The following MED13 variants were observed in gnomAD, a reference collection of about 807,000 sequenced individuals.
MED13 encodes mediator of RNA polymerase II transcription subunit 13.
In MED13, 23 loss-of-function variants were observed where a neutral mutation model predicts 225.2. The ratio of observed to expected loss-of-function variants is 0.10; its 90% CI spans 0.07 to 0.14. MED13 has a LOEUF of 0.14. Ranked by LOEUF, MED13 falls within the 10% of genes least tolerant of loss-of-function variation. The pLI, the probability that MED13 is intolerant of heterozygous loss-of-function variation, is 1.00. For missense variants in MED13, 2,197 were observed against 2,594.5 expected (o/e 0.85, Z 3.33); for synonymous variants, 942 against 889.2 (o/e 1.06, Z -1.06).
chr17:61,972,050 G>A (rs954616117), intron 17 of MED13, among the ~76,000 whole-genome samples: 1 of 152,114 alleles, frequency 6.6e-6, no homozygotes, highest in African/African-American at 2.4e-5. Context: ...TTAAAAGAGG[G>A]AGAAAAGGAA....
rs770430129 is a variant in MED13 at position 61,968,019 on chromosome 17, CTT to C, written c.4191+14_4191+15del. ...GTAAGGTAGTTTTAAAATGTCATCTCTTTTTAAACACCTACCTCATATATTGC... is the reference window on the plus strand; with the variant it reads ...GTAAGGTAGTTTTAAAATGTCATCTCTTTAAACACCTACCTCATATATTGC... On this transcript the variant is annotated intron_variant, in intron 18 of 29. Coordinates refer to ENST00000397786, the MANE Select transcript of MED13 (RefSeq NM_005121.3). 6.3e-7 allele frequency: 1 copy of C among 1,579,108 alleles called. No homozygotes were observed. The highest frequency in any genetic ancestry group is 8.7e-7 in the Non-Finnish European group (1 of 1,149,836).
At chr17:61,992,792 T>A (rs537036998) in intron 10 of MED13, among the ~76,000 whole-genome samples, 171 bp from the exon 11 acceptor site, 1 of 151,478 alleles carries the variant, frequency 6.6e-6, no homozygotes, top group East Asian at 1.9e-4. Context: ...TTTTTTGAGA[T>A]GGACTCTCGC....
At chr17:61,978,715 C>CT (rs1278937114) in intron 16 of MED13, among the ~76,000 whole-genome samples, 2 of 152,152 alleles carry the variant, frequency 1.3e-5, no homozygotes, top group African/African-American at 4.8e-5. Context: ...CCCAGGCAGT[C>CT]TGAGTCCACA....
At chr17:61,966,704 A>G in intron 18 of MED13, 53 bp from the exon 19 acceptor site, 1 of 1,264,702 alleles carries the variant, frequency 7.9e-7, no homozygotes, top group Non-Finnish European at 1.1e-6. Flanking sequence ...TTGTATTTAG[A>G]TACACATTAT....
chr17:61,965,298 A>G lies in MED13; in HGVS notation c.4552T>C (p.Ser1518Pro). The G allele has an allele frequency of 6.2e-7, 1 of 1,614,254 alleles. No individual in the cohort carries two copies. The highest frequency in any genetic ancestry group is 1.3e-5 in the African/African-American group (1 of 75,076). The part of the protein sequence containing the change: ...SAASSTMTVT[S>P]GVAISTSVAT... ...ACTGAAGTAGATATGGCAACACCTG[A>G]AGTCACTGTCATAGTGCTGCTCGCT... Residue 1518 changes from serine to proline, a missense_variant, in exon 20 of 30, where the codon TCA becomes CCA. By Grantham distance (74) the Ser-to-Pro change is moderately conservative. Around this residue, in one of 12 missense-constraint regions of MED13, gnomAD observed 457 missense variants for 442.2 expected, o/e 1.03. Transcript: ENST00000397786.
rs200426341 is a variant in MED13, at chr17:61,959,618, AC to A, written c.5480+1248del. Among the ~76,000 whole-genome samples the A allele has an allele frequency of 7.2e-5, 11 of 152,138 alleles. No homozygotes were observed. The East Asian group carries it at 1.9e-3, about 27-fold the overall frequency. On this transcript the variant is annotated intron_variant, in intron 23 of 29. Transcript: ENST00000397786. ...TGTTTCTATCTTCTGCTTCCCCAGC[AC>A]CATTAAAGACCTAATAATCATTAGA...
chr17:62,037,938 A>T (rs2080818916), intron 3 of MED13, among the ~76,000 whole-genome samples: 1 of 132,668 alleles, frequency 7.5e-6, no homozygotes, highest in African/African-American at 2.7e-5. Context: ...CCTGGGCAAC[A>T]GAGTGAGACT....
Position 61,955,845 on chromosome 17 carries a change from G to A in MED13, c.5624-7C>T. On this transcript the variant is annotated splice_region_variant and splice_polypyrimidine_tract_variant and intron_variant, in intron 24 of 29. Transcript: ENST00000397786. ...CTCAGCAAACAGCTCCAATCTGTGG[G>A]TATCAACAGTAAAAAAAAAAAAAAA... 2.4e-6 allele frequency: 3 copies of A among 1,272,272 alleles called. No individual in the cohort carries two copies. Among genetic ancestry groups the A allele is most frequent in the South Asian group, 3.2e-5 (2 of 62,558 alleles). The allele number at this position is 1,272,272 out of a possible 1,614,324, so 78.8% of individuals were successfully genotyped here.
chr17:62,025,705 C>T (rs561350043), intron 8 of MED13, among the ~76,000 whole-genome samples: 1 of 152,146 alleles, frequency 6.6e-6, no homozygotes, highest in South Asian at 2.1e-4. Flanking sequence ...CCATACAAAA[C>T]AGGCAGTGGG....
chr17:61,985,416 G>C lies in MED13; in HGVS notation c.2386-326C>G, dbSNP rs371146333. On this transcript the variant is annotated intron_variant, in intron 12 of 29. Transcript: ENST00000397786. ...AGGCCGGACATGGTAGCTCACACCT[G>C]TAATCCCAGCACTTTGGGAGGCTGA... Among the ~76,000 whole-genome samples the C allele has an allele frequency of 1.1e-4, 16 of 152,280 alleles. No individual in the cohort carries two copies. The South Asian group carries it at 3.3e-3, about 32-fold the overall frequency.
At chr17:61,999,206 T>C (rs559789593) in intron 9 of MED13, among the ~76,000 whole-genome samples, 13 of 152,242 alleles carry the variant, frequency 8.5e-5, no homozygotes, top group Non-Finnish European at 1.6e-4. Flanking sequence ...TAACACAACA[T>C]AGGAGTTAAT....
chr17:62,046,385 C>T (rs1352366231), intron 3 of MED13, among the ~76,000 whole-genome samples: 1 of 152,136 alleles, frequency 6.6e-6, no homozygotes, highest in Non-Finnish European at 1.5e-5. Flanking sequence ...AAGAGTAACT[C>T]GAAAGAGCAT....
At chr17:61,990,529 TA>T (rs973159721) in intron 11 of MED13, among the ~76,000 whole-genome samples, 17 of 150,756 alleles carry the variant, frequency 1.1e-4, no homozygotes, top group South Asian at 6.3e-4. Context: ...AGTAAAATGT[TA>T]AAAAAATGTA....
At position 62,014,310 on chromosome 17, in the gene MED13, T is replaced by TTATA. The variant is rs79817498; in HGVS notation, c.1284-3081_1284-3078dup. ...ATGATGGGAAGTTCTGTATATGTTT[T>TTATA]TATATATATATATATATATATTTTG... On this transcript the variant is annotated intron_variant, in intron 8 of 29. Transcript: ENST00000397786. Among the ~76,000 whole-genome samples the TTATA allele has an allele frequency of 0.036, 5,169 of 143,052 alleles. 435 individuals carry two copies. The East Asian group carries it at 0.38, about 10-fold the overall frequency. 93.8% of individuals were successfully genotyped at this position (143,052 alleles called of 152,430 possible).
At chr17:62,064,396 C>G (rs2081064724) in intron 1 of MED13, among the ~76,000 whole-genome samples, 2 of 152,194 alleles carry the variant, frequency 1.3e-5, no homozygotes, top group African/African-American at 4.8e-5. Flanking sequence ...AACAAGGGAG[C>G]AGCCTGCTCA....
chr17:61,996,644 G>C (rs1036045753), intron 9 of MED13, among the ~76,000 whole-genome samples: 2 of 152,010 alleles, frequency 1.3e-5, no homozygotes, highest in Non-Finnish European at 2.9e-5. Flanking sequence ...TCAAGTCTTT[G>C]CTTAAATGTC....
In MED13 at chr17:61,943,808, T is replaced by C. The variant is rs2079832149; in HGVS notation, c.*2660A>G. On this transcript the variant is annotated 3_prime_UTR_variant, in exon 30 of 30. Transcript: ENST00000397786. ...CTAATCTTTTTAAATGACAAAATAC[T>C]GAACTTCCACCCTGCTTAATAATCA... The C allele has an allele frequency of 6.6e-6, 1 of 152,524 alleles. No individual in the cohort carries two copies. Among genetic ancestry groups the C allele is most frequent in the Admixed American group, 6.6e-5 (1 of 15,254 alleles). The allele number at this position is 152,524 out of a possible 1,614,324, so 9.4% of individuals were successfully genotyped here.
At chr17:61,993,286 C>A (rs1555635415) in intron 10 of MED13, among the ~76,000 whole-genome samples, 1 of 147,874 alleles carries the variant, frequency 6.8e-6, no homozygotes, top group Non-Finnish European at 1.5e-5. Context: ...ACTGCAACCT[C>A]CCCCTCCTGG....
At chr17:61,986,367 GC>G (rs141432806) in intron 12 of MED13, among the ~76,000 whole-genome samples, 267 of 152,240 alleles carry the variant, frequency 1.8e-3, no homozygotes, top group African/African-American at 6.0e-3. Context: ...CTACCTTTAT[GC>G]AGATGAAAAG....
Sources: allele counts gnomAD v4.1 joint callset (sites outside exome capture counted in the v4.1 genomes callset), GRCh38; gene constraint gnomAD v4.1.1; regional missense constraint gnomAD v4.1.1; transcripts MANE v1.5; gene names NCBI Gene and HGNC (gene_info 2026-07-23, HGNC 2026-07-21).